Variants in ROBO2 observed in about 807,000 individuals in gnomAD.
ROBO2 encodes roundabout guidance receptor 2, also known as roundabout homolog 2.
In ROBO2, 53 loss-of-function variants were observed where a neutral mutation model predicts 160.8. The ratio of observed to expected loss-of-function variants is 0.33; its 90% CI spans 0.26 to 0.41. The LOEUF (loss-of-function observed/expected upper bound fraction) is 0.41, where lower values mean the gene tolerates loss of function less well. ROBO2 is among the 10% of genes least tolerant of loss of function. The pLI, the probability that ROBO2 is intolerant of heterozygous loss-of-function variation, is 1.00. For missense variants in ROBO2, 1,577 were observed against 1,722.4 expected, an observed-to-expected ratio of 0.92 and a Z score of 1.49; for synonymous variants, 664 against 611.7, an observed-to-expected ratio of 1.09 and a Z score of -1.26.
chr3:77,049,042 G>A (rs2064963998), intron 1 of ROBO2, among the ~76,000 whole-genome samples: 2 of 152,092 alleles, frequency 1.3e-5, no homozygotes, highest in Non-Finnish European at 2.9e-5. Flanking sequence ...AGAAAATTTA[G>A]CCTGGGCTCG....
At chr3:77,569,965 A>G (rs912561856) in intron 13 of ROBO2, among the ~76,000 whole-genome samples, 1 of 151,928 alleles carries the variant, frequency 6.6e-6, no homozygotes, top group African/African-American at 2.4e-5. Context: ...ATTGGTTTCT[A>G]TTCTTCTGTT....
chr3:76,743,784 T>C (rs1032533901), intron 2 of ROBO2, among the ~76,000 whole-genome samples: 1 of 151,756 alleles, frequency 6.6e-6, no homozygotes, highest in Non-Finnish European at 1.5e-5. Context: ...GCTCAATAAA[T>C]TATAAATTAT....
intron 2 of ROBO2, among the ~76,000 whole-genome samples, chr3:76,613,142 T>C (rs1383858040): frequency 6.6e-6 from 1 of 152,190 alleles, no homozygotes; most frequent in African/African-American, 2.4e-5. Context: ...ACTCCTGCCA[T>C]TTTTTACTGG....
At chr3:77,565,354 T>A (rs922547304) in intron 12 of ROBO2, among the ~76,000 whole-genome samples, 2 of 152,092 alleles carry the variant, frequency 1.3e-5, no homozygotes, top group African/African-American at 4.8e-5. Flanking sequence ...TACCTCTACG[T>A]CGAATGAATT....
chr3:76,810,316 C>T (rs1243274852), intron 2 of ROBO2, among the ~76,000 whole-genome samples: 2 of 152,072 alleles, frequency 1.3e-5, no homozygotes, highest in Non-Finnish European at 2.9e-5. Flanking sequence ...ACACCCAGTT[C>T]GCCAACCCAA....
chr3:75,954,496 CA>C (rs1331864160), intron 2 of ROBO2, among the ~76,000 whole-genome samples: 1 of 151,872 alleles, frequency 6.6e-6, no homozygotes, highest in African/African-American at 2.4e-5. Context: ...TTAGTTTCCC[CA>C]TTTTCCCCTC....
chr3:76,702,902 T>C (rs1158430605), intron 2 of ROBO2, among the ~76,000 whole-genome samples: 1 of 152,142 alleles, frequency 6.6e-6, no homozygotes, highest in African/African-American at 2.4e-5. Context: ...TTCAATTCTT[T>C]AGAGCTTTTA....
intron 2 of ROBO2, among the ~76,000 whole-genome samples, chr3:77,199,222 A>C (rs1222525394): frequency 6.6e-6 from 1 of 152,136 alleles, no homozygotes; most frequent in Non-Finnish European, 1.5e-5. Context: ...CCACTCCTTC[A>C]CTTTTTCATG....
chr3:76,124,200 A>G (rs1576955067), intron 2 of ROBO2, among the ~76,000 whole-genome samples: 1 of 152,142 alleles, frequency 6.6e-6, no homozygotes, highest in East Asian at 1.9e-4. Flanking sequence ...GGGAAATCCA[A>G]TTAATATTGT....
chr3:76,154,628 T>C (rs2072334367), intron 2 of ROBO2, among the ~76,000 whole-genome samples: 1 of 152,120 alleles, frequency 6.6e-6, no homozygotes, highest in Non-Finnish European at 1.5e-5. Flanking sequence ...TGAGTATATT[T>C]GATTACATTT....
chr3:76,179,493 C>A (rs147354886), intron 2 of ROBO2, among the ~76,000 whole-genome samples: 8 of 152,090 alleles, frequency 5.3e-5, no homozygotes, highest in African/African-American at 1.9e-4. Flanking sequence ...AATCATTGAG[C>A]CTTATCAGTT....
intron 1 of ROBO2, among the ~76,000 whole-genome samples, chr3:77,057,335 T>C (rs538838634): frequency 3.0e-4 from 46 of 152,058 alleles, no homozygotes; most frequent in Non-Finnish European, 4.7e-4. Flanking sequence ...CGGGGAGAGA[T>C]AGCATTAGGA....
rs1701432529 is a variant in ROBO2 at position 76,180,071 on chromosome 3, G to T, written c.109+242469G>T. Among the ~76,000 whole-genome samples, 3 of 152,124 alleles carry T rather than the reference G, an allele frequency of 2.0e-5. No homozygotes were observed. In the South Asian group the frequency reaches 6.2e-4, roughly 32 times the overall value. On this transcript the variant is annotated intron_variant, in intron 2 of 26. Transcript: ENST00000487694. ...CTTTTCCATCTATACCTCCCCACCT[G>T]CCCCAAAATAAATTTCTATCCTTCA...
chr3:77,554,455 T>C (rs1589720), intron 8 of ROBO2, among the ~76,000 whole-genome samples: 84,984 of 151,788 alleles, frequency 0.56, 23,875 homozygotes, highest in Middle Eastern at 0.68. Context: ...CTATAGCTGC[T>C]GTAGACAGTA....
intron 2 of ROBO2, among the ~76,000 whole-genome samples, chr3:77,201,266 T>G (rs933544347): frequency 2.6e-5 from 4 of 152,164 alleles, no homozygotes; most frequent in Non-Finnish European, 5.9e-5. Context: ...TTCTACAACT[T>G]CACATTCTTT....
intron 21 of ROBO2, among the ~76,000 whole-genome samples, chr3:77,609,208 A>G (rs939038611): frequency 2.6e-5 from 4 of 152,014 alleles, no homozygotes; most frequent in African/African-American, 9.7e-5. Context: ...TTGTTATTTT[A>G]CTTCTTTTAA....
In ROBO2 at chr3:76,269,587, G is replaced by GAA. The variant is rs34448121; in HGVS notation, c.109+331996_109+331997dup. Among the ~76,000 whole-genome samples, 307 of 144,298 alleles carry GAA rather than the reference G, an allele frequency of 2.1e-3. 4 individuals carry two copies. Among genetic ancestry groups the GAA allele is most frequent in the South Asian group, 0.013 (57 of 4,542 alleles). The allele number at this position is 144,298 out of a possible 152,430, so 94.7% of individuals were successfully genotyped here. On this transcript the variant is annotated intron_variant, in intron 2 of 26. Coordinates refer to the ROBO2 transcript ENST00000487694. ...CACATTCAATAAGTTATGGTTAAAT[G>GAA]AAAAAAAAAAAACAGAGTAAATGAA...
chr3:77,105,211 A>G (rs1167153030), intron 2 of ROBO2, among the ~76,000 whole-genome samples: 1 of 152,248 alleles, frequency 6.6e-6, no homozygotes, highest in Non-Finnish European at 1.5e-5. Context: ...AACTATTATC[A>G]TTCTCTATCT....
At chr3:76,806,786 A>G (rs1215446788) in intron 2 of ROBO2, among the ~76,000 whole-genome samples, 1 of 152,042 alleles carries the variant, frequency 6.6e-6, no homozygotes, top group Non-Finnish European at 1.5e-5. Context: ...CTATATAGAC[A>G]CAGATATACG....
Sources: gnomAD v4.1 joint callset for allele counts (sites outside exome capture counted in the v4.1 genomes callset) on GRCh38, gnomAD v4.1.1 for gene constraint, MANE v1.5 for transcripts, NCBI Gene and HGNC (gene_info 2026-07-23, HGNC 2026-07-21) for gene names.